Variants in MSRB2 observed in about 807,000 individuals in gnomAD.
MSRB2 encodes the protein methionine sulfoxide reductase B2, also known as methionine-R-sulfoxide reductase B2, mitochondrial.
Under a neutral mutation model 19.0 loss-of-function variants are expected in MSRB2, and 17 were observed. That is an observed-to-expected ratio of 0.89 (90% confidence interval 0.61 to 1.34). MSRB2 has a LOEUF of 1.34. Among genes scored for constraint, MSRB2 ranks in the 40% most tolerant of loss-of-function variants. MSRB2 has a pLI of 0.00. For missense variants in MSRB2, 208 were observed against 237.6 expected (o/e 0.88, Z 0.82); for synonymous variants, 107 against 99.7 (o/e 1.07, Z -0.44).
rs956010367 is a variant in MSRB2 at position 23,121,943 on chromosome 10, G to T, written c.*1081G>T. The T allele has an allele frequency of 2.6e-5, 4 of 152,128 alleles. No homozygotes were observed. Among genetic ancestry groups the T allele is most frequent in the African/African-American group, 9.7e-5 (4 of 41,424 alleles). The allele number at this position is 152,128 out of a possible 1,614,324, so 9.4% of individuals were successfully genotyped here. On this transcript the variant is annotated 3_prime_UTR_variant, in exon 5 of 5. Transcript: ENST00000376510. ...TAGATTTCAATGATTATGAATAAAT[G>T]TTCACCTTCATACCTTCTGGTTACA...
chr10:23,119,377 G>A lies in MSRB2; in HGVS notation c.370G>A (p.Glu124Lys). The A allele has an allele frequency of 6.2e-7, 1 of 1,614,106 alleles. No individual in the cohort carries two copies. The highest frequency in any genetic ancestry group is 8.5e-7 in the Non-Finnish European group (1 of 1,180,012). ...GGCTCATGGTACGTCTGGCTCTGATGAAAGCCACACAGGGATCCTGAGACG... is the reference window on the plus strand; with the variant it reads ...GGCTCATGGTACGTCTGGCTCTGATAAAAGCCACACAGGGATCCTGAGACG... Reference protein sequence around the residue: ...SEAHGTSGSDESHTGILRRLD... With the variant: ...SEAHGTSGSDKSHTGILRRLD... Residue 124 changes from glutamate (E) to lysine (K), a missense_variant, in exon 4 of 5, where the codon GAA becomes AAA. Physicochemically the swap from Glu to Lys is moderately conservative, Grantham distance 56. Coordinates refer to ENST00000376510, the MANE Select transcript of MSRB2 (RefSeq NM_012228.4).
intron 3 of MSRB2, among the ~76,000 whole-genome samples, chr10:23,114,013 A>G (rs1840082920): frequency 6.6e-6 from 1 of 152,150 alleles, no homozygotes. Context: ...AATAATATCC[A>G]TCCTGCTGCT....
intron 3 of MSRB2, among the ~76,000 whole-genome samples, chr10:23,112,580 T>A (rs1477537865): frequency 1.3e-5 from 2 of 152,132 alleles, no homozygotes; most frequent in Admixed American, 1.3e-4. Flanking sequence ...TTAGTAATGA[T>A]GTTTTTGTTG....
intron 1 of MSRB2, among the ~76,000 whole-genome samples, chr10:23,096,352 C>CTCTCTCTCTCTGTGTGTGTGTGTGTG (rs144653384): frequency 4.2e-5 from 6 of 142,750 alleles, no homozygotes; most frequent in African/African-American, 1.6e-4. Flanking sequence ...CTCTCTCTCT[C>CTCTCTCTCTCTGTGTGTGTGTGTGTG]TGTGTGTGTG....
At chr10:23,114,349 C>CAAAAA (rs764900482) in intron 3 of MSRB2, among the ~76,000 whole-genome samples, 1 of 49,310 alleles carries the variant, frequency 2.0e-5, no homozygotes, top group African/African-American at 7.0e-5. Context: ...GACTCCATCT[C>CAAAAA]AAAAAAAAAA....
intron 1 of MSRB2, among the ~76,000 whole-genome samples, chr10:23,098,388 C>T (rs1839890163): frequency 6.6e-6 from 1 of 152,072 alleles, no homozygotes; most frequent in Non-Finnish European, 1.5e-5. Context: ...AACTTCTGAC[C>T]AACAAAATAT....
intron 3 of MSRB2, among the ~76,000 whole-genome samples, chr10:23,113,368 T>C (rs1660428180): frequency 6.6e-6 from 1 of 152,162 alleles, no homozygotes; most frequent in Non-Finnish European, 1.5e-5. Context: ...CCTGAAACCT[T>C]CTCTGATAGC....
chr10:23,113,519 C>T (rs1191706897), intron 3 of MSRB2, among the ~76,000 whole-genome samples: 1 of 152,128 alleles, frequency 6.6e-6, no homozygotes, highest in Non-Finnish European at 1.5e-5. Context: ...TTTCGAGTCC[C>T]TTGGCCATCT....
chr10:23,100,648 T>C (rs530512383), intron 1 of MSRB2, among the ~76,000 whole-genome samples: 2 of 152,198 alleles, frequency 1.3e-5, no homozygotes, highest in South Asian at 2.1e-4. Context: ...AGGTGAACTT[T>C]TAAACAACCA....
At chr10:23,096,521 T>A (rs1038226979) in intron 1 of MSRB2, among the ~76,000 whole-genome samples, 2 of 152,252 alleles carry the variant, frequency 1.3e-5, no homozygotes, top group South Asian at 2.1e-4. Flanking sequence ...GGGATTGGCT[T>A]CCTGGGCGGT....
chr10:23,116,094 G>A (rs1005125811), intron 3 of MSRB2, among the ~76,000 whole-genome samples: 1 of 152,000 alleles, frequency 6.6e-6, no homozygotes, highest in Non-Finnish European at 1.5e-5. Flanking sequence ...TAGATTTCTG[G>A]TATTAATAAT....
At chr10:23,097,568 C>A (rs1488121648) in intron 1 of MSRB2, among the ~76,000 whole-genome samples, 1 of 152,198 alleles carries the variant, frequency 6.6e-6, no homozygotes, top group Non-Finnish European at 1.5e-5. Flanking sequence ...CTCCACATTC[C>A]ATCTCATTGG....
At chr10:23,097,526 T>C (rs1441137980) in intron 1 of MSRB2, among the ~76,000 whole-genome samples, 1 of 152,226 alleles carries the variant, frequency 6.6e-6, no homozygotes, top group Non-Finnish European at 1.5e-5. Flanking sequence ...CTTTATGATC[T>C]AATCTAAAAC....
Position 23,119,376 on chromosome 10 carries a change from T to G in MSRB2, c.369T>G (p.Asp123Glu), listed in dbSNP as rs1840155514. Reference protein sequence around the residue: ...FSEAHGTSGSDESHTGILRRL... With the variant: ...FSEAHGTSGSEESHTGILRRL... ...AGGCTCATGGTACGTCTGGCTCTGA[T>G]GAAAGCCACACAGGGATCCTGAGAC... Residue 123 changes from aspartate (D) to glutamate (E), a missense_variant, in exon 4 of 5, where the codon GAT becomes GAG. Transcript: ENST00000376510. 1.2e-6 allele frequency: 2 copies of G among 1,614,162 alleles called. No individual in the cohort carries two copies. The highest frequency in any genetic ancestry group is 1.1e-5 in the South Asian group (1 of 91,080).
chr10:23,107,657 G>T (rs985330819), intron 2 of MSRB2, among the ~76,000 whole-genome samples: 4 of 152,192 alleles, frequency 2.6e-5, no homozygotes, highest in African/African-American at 9.7e-5. Flanking sequence ...TATCATAGCT[G>T]TCACCACATG....
At chr10:23,103,719 T>C (rs961404872) in intron 1 of MSRB2, among the ~76,000 whole-genome samples, 1 of 151,372 alleles carries the variant, frequency 6.6e-6, no homozygotes, top group African/African-American at 2.4e-5. Flanking sequence ...GGGAGAAGAG[T>C]TTAATAACCG....
intron 3 of MSRB2, among the ~76,000 whole-genome samples, chr10:23,112,879 C>A (rs994377265): frequency 1.3e-5 from 2 of 152,174 alleles, no homozygotes; most frequent in African/African-American, 2.4e-5. Context: ...CCAGCGCACC[C>A]GGGCGTAATG....
At chr10:23,101,537 G>T (rs1316771834) in intron 1 of MSRB2, among the ~76,000 whole-genome samples, 3 of 152,210 alleles carry the variant, frequency 2.0e-5, no homozygotes, top group African/African-American at 7.2e-5. Flanking sequence ...TAGTGGGATT[G>T]CTGGATTAAA....
chr10:23,106,241 G>A (rs1839985759), intron 2 of MSRB2, among the ~76,000 whole-genome samples: 1 of 152,172 alleles, frequency 6.6e-6, no homozygotes, highest in Admixed American at 6.5e-5. Context: ...GAGTATTGCA[G>A]AAATGTAAGC....
Sources: gnomAD v4.1 joint callset for allele counts (sites outside exome capture counted in the v4.1 genomes callset) on GRCh38, gnomAD v4.1.1 for gene constraint, MANE v1.5 for transcripts, NCBI Gene and HGNC (gene_info 2026-07-23, HGNC 2026-07-21) for gene names.